WNT2B: variants seen among roughly 807,000 people sequenced by gnomAD.
WNT2B encodes Wnt family member 2B, also known as protein Wnt-2b.
In WNT2B, 19 loss-of-function variants were observed where a neutral mutation model predicts 40.5. That is an observed-to-expected ratio of 0.47 (90% CI 0.33 to 0.69). The LOEUF (loss-of-function observed/expected upper bound fraction) is 0.69. WNT2B is among the 30% of genes least tolerant of loss of function. WNT2B has a pLI of 0.02. For synonymous variants in WNT2B, 220 were observed against 211.9 expected (o/e 1.04, Z -0.33); for missense variants, 467 against 556.4 (o/e 0.84, Z 1.62).
chr1:112,501,010 G>T (rs1651934557), intron 1 of WNT2B, among the ~76,000 whole-genome samples: 1 of 152,008 alleles, frequency 6.6e-6, no homozygotes, highest in Non-Finnish European at 1.5e-5. Flanking sequence ...TCCTTTTCCA[G>T]GATCCTATCC....
chr1:112,525,719 G>A lies in WNT2B; in HGVS notation c.*5210G>A, dbSNP rs1250896519. The A allele has an allele frequency of 2.3e-5, 6 of 257,830 alleles. No homozygotes were observed. The highest frequency in any genetic ancestry group is 2.2e-4 in the East Asian group (3 of 13,348). The allele number at this position is 257,830 out of a possible 1,614,324, so 16.0% of individuals were successfully genotyped here. ...CTTTGACCAAAGGAGCCAAAATGCG[G>A]TGACTTGACTTCAACCCCAACAGCC... On this transcript the variant is annotated 3_prime_UTR_variant, in exon 5 of 5. Coordinates refer to ENST00000369684, the MANE Select transcript of WNT2B (RefSeq NM_024494.3).
intron 1 of WNT2B, among the ~76,000 whole-genome samples, chr1:112,498,427 G>T (rs1466534524): frequency 6.6e-6 from 1 of 151,700 alleles, no homozygotes; most frequent in Non-Finnish European, 1.5e-5. Flanking sequence ...TAGAGACAGG[G>T]TTTCACCATG....
chr1:112,518,390 GT>G (rs1652680486), intron 4 of WNT2B: 1 of 152,194 alleles, frequency 6.6e-6, no homozygotes, highest in Non-Finnish European at 1.5e-5. Flanking sequence ...CTTCGGTACT[GT>G]TTGTTTTCAC....
intron 1 of WNT2B, among the ~76,000 whole-genome samples, chr1:112,502,650 G>A (rs1273185915): frequency 6.6e-6 from 1 of 151,644 alleles, no homozygotes; most frequent in Non-Finnish European, 1.5e-5. Context: ...CTCACCCTCC[G>A]GCTTTTCATG....
At chr1:112,503,014 T>C (rs537164914) in intron 1 of WNT2B, among the ~76,000 whole-genome samples, 1 of 152,228 alleles carries the variant, frequency 6.6e-6, no homozygotes, top group South Asian at 2.1e-4. Context: ...GCGCTGTGGG[T>C]GTCCCTGCCT....
At chr1:112,485,150 A>T (rs891594676) in intron 1 of WNT2B, among the ~76,000 whole-genome samples, 3 of 152,222 alleles carry the variant, frequency 2.0e-5, no homozygotes, top group Non-Finnish European at 4.4e-5. Flanking sequence ...CTAACTTCAA[A>T]GCTTTTTATA....
intron 1 of WNT2B, among the ~76,000 whole-genome samples, chr1:112,484,677 G>A (rs898070703): frequency 3.3e-5 from 5 of 151,228 alleles, no homozygotes; most frequent in African/African-American, 1.2e-4. Flanking sequence ...GAGGTGGGAG[G>A]ATTGCTTGAG....
At chr1:112,467,340 C>A in exon 1 of WNT2B, 1 of 537,206 alleles carries the variant, frequency 1.9e-6, no homozygotes, top group East Asian at 3.2e-5. Context: ...AATTGAGGAG[C>A]ATCATGAGCA....
rs1277876763 is a variant in WNT2B at position 112,517,291 on chromosome 1, C to T, written c.852C>T (p.Phe284=). ...QVMATQDGAN[F]TAARQGYRRA... ...TGGCCACCCAAGATGGTGCCAACTT[C>T]ACCGCAGCCCGCCAAGGCTATCGCC... Residue 284 remains phenylalanine (F), a synonymous_variant, in exon 4 of 5, where the codon TTC becomes TTT. Transcript: ENST00000369684. 1 of 1,614,228 alleles carries T rather than the reference C, an allele frequency of 6.2e-7. No individual in the cohort carries two copies.
intron 1 of WNT2B, among the ~76,000 whole-genome samples, chr1:112,499,171 A>G (rs1410546274): frequency 1.4e-5 from 2 of 145,556 alleles, no homozygotes; most frequent in Admixed American, 7.1e-5. Context: ...ACGCCACTGC[A>G]CTCCAGCCTG....
rs1175207090 is a variant in WNT2B at position 112,516,242 on chromosome 1, AC to A, written c.510del (p.Tyr171ThrfsTer47). ...GGTGAACTGAGTGTGTGCAGCTGTGACCCCTACACCCGTGGCCGACACCATG... is the reference window on the plus strand; with the variant it reads ...GGTGAACTGAGTGTGTGCAGCTGTGACCCTACACCCGTGGCCGACACCATG... The part of the protein sequence containing the change: ...SQGELSVCSC[D>X]PYTRGRHHDQ... On this transcript the variant is annotated frameshift_variant, in exon 3 of 5. Transcript: ENST00000369684. LOFTEE classifies it high-confidence loss of function. 6.2e-7 allele frequency: 1 copy of A among 1,613,534 alleles called. No homozygotes were observed. Among genetic ancestry groups the A allele is most frequent in the African/African-American group, 1.3e-5 (1 of 74,732 alleles).
Position 112,521,231 on chromosome 1 carries a change from A to G in WNT2B, c.*722A>G, listed in dbSNP as rs1652854412. On this transcript the variant is annotated 3_prime_UTR_variant, in exon 5 of 5. Coordinates refer to ENST00000369684, the MANE Select transcript of WNT2B (RefSeq NM_024494.3). The stretch of plus-strand genomic sequence containing the variant: ...ACTGAGGTGGAATGCAGTGGTTCCC[A>G]TGCTTAACAAATCATTAAAACACCC... 1 of 151,894 alleles carries G rather than the reference A, an allele frequency of 6.6e-6. No individual in the cohort carries two copies. The highest frequency in any genetic ancestry group is 2.4e-5 in the African/African-American group (1 of 41,264). The allele number at this position is 151,894 out of a possible 1,614,324, so 9.4% of individuals were successfully genotyped here. A position where few individuals can be genotyped will look rare whatever the true frequency, so the allele number is the denominator to read the frequency against.
intron 1 of WNT2B, among the ~76,000 whole-genome samples, chr1:112,511,738 A>T (rs1652359083): frequency 6.6e-6 from 1 of 152,232 alleles, no homozygotes; most frequent in Admixed American, 6.5e-5. Context: ...GATGTAGGGA[A>T]TCACAAGAAC....
At chr1:112,480,864 C>T (rs1260342563) in intron 1 of WNT2B, among the ~76,000 whole-genome samples, 1 of 152,102 alleles carries the variant, frequency 6.6e-6, no homozygotes. Context: ...TTCAACAGCA[C>T]ATTATAAAAA....
intron 1 of WNT2B, 74 bp from the exon 2 acceptor site, chr1:112,514,800 G>GT: frequency 2.8e-6 from 4 of 1,452,622 alleles, no homozygotes; most frequent in Non-Finnish European, 3.9e-6. Flanking sequence ...GATGCTAAAC[G>GT]TACCCCTTCC....
At chr1:112,469,216 C>T (rs1228277670) in intron 1 of WNT2B, among the ~76,000 whole-genome samples, 1 of 152,120 alleles carries the variant, frequency 6.6e-6, no homozygotes, top group Non-Finnish European at 1.5e-5. Flanking sequence ...GCCATGTAAT[C>T]CATTTTGAAG....
intron 1 of WNT2B, among the ~76,000 whole-genome samples, chr1:112,487,557 T>C (rs1169483662): frequency 6.6e-6 from 1 of 152,198 alleles, no homozygotes; most frequent in Non-Finnish European, 1.5e-5. Context: ...TAATAAAGTG[T>C]TGAATATCTC....
intron 1 of WNT2B, among the ~76,000 whole-genome samples, chr1:112,491,972 TG>T (rs1236216084): frequency 7.9e-5 from 12 of 152,162 alleles, no homozygotes; most frequent in African/African-American, 2.9e-4. Context: ...TTCATCATCA[TG>T]GGAGTGAGAA....
chr1:112,477,965 A>G (rs754729221), intron 1 of WNT2B, among the ~76,000 whole-genome samples: 9 of 152,228 alleles, frequency 5.9e-5, no homozygotes, highest in Non-Finnish European at 1.0e-4. Flanking sequence ...TGAGCACTGT[A>G]GCTCATGCCT....
Sources: gnomAD v4.1 joint callset for allele counts (sites outside exome capture counted in the v4.1 genomes callset) on GRCh38, gnomAD v4.1.1 for gene constraint, MANE v1.5 for transcripts, NCBI Gene and HGNC (gene_info 2026-07-23, HGNC 2026-07-21) for gene names.